MGAT4D: variants seen among roughly 807,000 people sequenced by gnomAD.
MGAT4D encodes the protein MGAT4 family member D.
MGAT4D carries 34 observed loss-of-function variants against 15.9 expected under a neutral mutation model. That is an observed-to-expected ratio of 2.14 (90% CI 1.62 to 2.84). The LOEUF is 2.84. MGAT4D is among the 30% of genes most tolerant of loss of function. The pLI is 0.00. For synonymous variants in MGAT4D, 112 were observed against 48.2 expected (o/e 2.33, Z -5.49); for missense variants, 327 against 140.2 (o/e 2.33, Z -6.73).
At chr4:140,446,038 G>A (rs967508066) in intron 10 of MGAT4D, among the ~76,000 whole-genome samples, 1 of 152,122 alleles carries the variant, frequency 6.6e-6, no homozygotes. Flanking sequence ...TGGTCAATTA[G>A]CTTTTTGATG....
intron 1 of MGAT4D, among the ~76,000 whole-genome samples, chr4:140,492,862 G>C (rs578220784): frequency 2.6e-5 from 4 of 152,286 alleles, no homozygotes; most frequent in South Asian, 4.1e-4. Context: ...CACATAATAA[G>C]TCTTCATTGT....
At chr4:140,488,877 T>G (rs528681307) in intron 1 of MGAT4D, among the ~76,000 whole-genome samples, 12 of 152,212 alleles carry the variant, frequency 7.9e-5, no homozygotes, top group African/African-American at 2.9e-4. Flanking sequence ...CACTCCTGCT[T>G]TTTCCATGTG....
At chr4:140,480,857 G>A (rs1381206195) in intron 2 of MGAT4D, among the ~76,000 whole-genome samples, 3 of 152,118 alleles carry the variant, frequency 2.0e-5, no homozygotes, top group Non-Finnish European at 4.4e-5. Flanking sequence ...GATCCCTTGA[G>A]CTCAGGAGGT....
Position 140,464,931 on chromosome 4 carries a change from G to C in MGAT4D, c.651C>G (p.Ala217=). Residue 217 remains alanine (A), a synonymous_variant, in exon 6 of 11, where the codon GCC becomes GCG. Coordinates refer to ENST00000511113, the MANE Select transcript of MGAT4D (RefSeq NM_001277353.2). ...TTTGTGAGGCCTCAGCTAAGTGCTTGGCATTTAACATGCTTGAGTATAAAA... is the reference window on the plus strand; with the variant it reads ...TTTGTGAGGCCTCAGCTAAGTGCTTCGCATTTAACATGCTTGAGTATAAAA... ...PAFLYSSMLN[A]KHLAEASQKL... 1 of 702,692 alleles carries C rather than the reference G, an allele frequency of 1.4e-6. No individual in the cohort carries two copies. The allele number at this position is 702,692 out of a possible 1,614,324, so 43.5% of individuals were successfully genotyped here. A position where few individuals can be genotyped will look rare whatever the true frequency, so the allele number is the denominator to read the frequency against.
At chr4:140,475,082 A>G (rs896391659) in intron 3 of MGAT4D, 136 bp from the exon 4 acceptor site, 1 of 407,920 alleles carries the variant, frequency 2.5e-6, no homozygotes, top group African/African-American at 2.1e-5. Flanking sequence ...TATTACAAAA[A>G]TAATCCAAAC....
At chr4:140,477,732 A>C (rs1221461388) in intron 3 of MGAT4D, among the ~76,000 whole-genome samples, 1 of 152,240 alleles carries the variant, frequency 6.6e-6, no homozygotes, top group Non-Finnish European at 1.5e-5. Context: ...CCTCATGTGC[A>C]CTGAGGGTCT....
Position 140,449,770 on chromosome 4 carries a change from AG to A in MGAT4D, c.1116+1639del, listed in dbSNP as rs1245162928. Among the ~76,000 whole-genome samples, 168 of 145,694 alleles carry A rather than the reference AG, an allele frequency of 1.2e-3. 1 individual carries two copies. Among genetic ancestry groups the A allele is most frequent in the African/African-American group, 4.0e-3 (158 of 39,966 alleles). ...GTGAGACTCCTTCTCAAAAAAAAAA[AG>A]TTTTATCATAAGGGTAAAACAAAAT... On this transcript the variant is annotated intron_variant, in intron 10 of 10. Transcript: ENST00000511113.
intron 7 of MGAT4D, among the ~76,000 whole-genome samples, chr4:140,461,353 G>A (rs1417886203): frequency 1.3e-5 from 2 of 152,148 alleles, no homozygotes; most frequent in African/African-American, 4.8e-5. Flanking sequence ...CTTTGAATGA[G>A]AGCACATTGT....
At position 140,472,401 on chromosome 4, in the gene MGAT4D, A is replaced by T. The variant is rs549695400; in HGVS notation, c.526-580T>A. ...GGTTTACCCTCTTGGGATAATTTTT[A>T]AAAAAATAACGTGGCATTTACAAGA... On this transcript the variant is annotated intron_variant, in intron 4 of 10. Transcript: ENST00000511113. Among the ~76,000 whole-genome samples the T allele has an allele frequency of 4.7e-4, 71 of 152,298 alleles. No individual in the cohort carries two copies. In the South Asian group the frequency reaches 6.0e-3, roughly 13 times the overall value.
intron 1 of MGAT4D, among the ~76,000 whole-genome samples, chr4:140,494,303 T>C (rs986378642): frequency 2.0e-5 from 3 of 152,220 alleles, no homozygotes; most frequent in African/African-American, 7.2e-5. Context: ...ACTTCAAAGA[T>C]TGTGAGTGAG....
intron 3 of MGAT4D, among the ~76,000 whole-genome samples, chr4:140,479,172 G>A (rs1732530450): frequency 6.6e-6 from 1 of 151,998 alleles, no homozygotes; most frequent in Admixed American, 6.6e-5. Flanking sequence ...AAAATAACCA[G>A]GTAAGAATAG....
chr4:140,482,460 G>A lies in MGAT4D; in HGVS notation c.120C>T (p.Asn40=), dbSNP rs1301415427. The A allele has an allele frequency of 8.0e-6, 5 of 628,434 alleles. No homozygotes were observed. Among genetic ancestry groups the A allele is most frequent in the African/African-American group, 5.7e-5 (3 of 52,458 alleles). The allele number at this position is 628,434 out of a possible 1,614,324, so 38.9% of individuals were successfully genotyped here. A position where few individuals can be genotyped will look rare whatever the true frequency, so the allele number is the denominator to read the frequency against. The change falls in exon 2 of 11, where the codon AAC becomes AAT. Residue 40 remains asparagine, a synonymous_variant. Transcript: ENST00000511113. ...QTNNQLINCR[N]HILEFKENML... ...TATTTTCTTTAAACTCCAAAATATG[G>A]TTTCTACAGTTAATTAATTGATTAT...
At chr4:140,468,065 T>A (rs1331600646) in intron 5 of MGAT4D, among the ~76,000 whole-genome samples, 1 of 149,756 alleles carries the variant, frequency 6.7e-6, no homozygotes, top group Non-Finnish European at 1.5e-5. Context: ...ATTAAATTAT[T>A]CTATTATAAT....
intron 1 of MGAT4D, among the ~76,000 whole-genome samples, chr4:140,488,688 G>T (rs1043923898): frequency 6.6e-6 from 1 of 152,206 alleles, no homozygotes; most frequent in East Asian, 1.9e-4. Flanking sequence ...AAATGGTATG[G>T]TATGTGATAT....
chr4:140,470,007 C>A (rs12648994), intron 5 of MGAT4D, among the ~76,000 whole-genome samples: 2,222 of 152,316 alleles, frequency 0.015, 31 homozygotes, highest in South Asian at 0.054. Flanking sequence ...GCCTGGAAGG[C>A]GGTCGAAGCC....
intron 8 of MGAT4D, chr4:140,457,730 T>C (rs1420694357): frequency 6.6e-6 from 1 of 152,222 alleles, no homozygotes; most frequent in African/African-American, 2.4e-5. Flanking sequence ...ATTCTCTATG[T>C]GTCTCTTACT....
Position 140,474,952 on chromosome 4 carries a change from G to T in MGAT4D, c.392-6C>A. ...AATACCCAGCGCAAAAGAAACTGTG[G>T]ACATAGGAGTATGAAATCATCATTC... On this transcript the variant is annotated splice_region_variant and splice_polypyrimidine_tract_variant and intron_variant, in intron 3 of 10. Transcript: ENST00000511113. 1 of 664,636 alleles carries T rather than the reference G, an allele frequency of 1.5e-6. No individual in the cohort carries two copies. The highest frequency in any genetic ancestry group is 2.7e-6 in the Non-Finnish European group (1 of 369,754). 41.2% of individuals were successfully genotyped at this position (664,636 alleles called of 1,614,324 possible).
At chr4:140,449,130 G>A (rs760492110) in intron 10 of MGAT4D, among the ~76,000 whole-genome samples, 2 of 152,080 alleles carry the variant, frequency 1.3e-5, no homozygotes, top group Non-Finnish European at 2.9e-5. Flanking sequence ...AAATACACAC[G>A]ATTAGCTTAT....
At chr4:140,447,868 T>A (rs1730231138) in intron 10 of MGAT4D, among the ~76,000 whole-genome samples, 2 of 152,210 alleles carry the variant, frequency 1.3e-5, no homozygotes, top group Non-Finnish European at 2.9e-5. Context: ...TAGTTAGTGC[T>A]CCTTTCAGGA....
Sources: allele counts gnomAD v4.1 joint callset (sites outside exome capture counted in the v4.1 genomes callset), GRCh38; gene constraint gnomAD v4.1.1; transcripts MANE v1.5; gene names NCBI Gene and HGNC (gene_info 2026-07-23, HGNC 2026-07-21).